Variants in CCDC85A observed in about 807,000 individuals in gnomAD.
CCDC85A encodes coiled-coil domain-containing protein 85A.
CCDC85A carries 38 observed loss-of-function variants against 50.2 expected under a neutral mutation model. The ratio of observed to expected loss-of-function variants is 0.76; its 90% CI spans 0.58 to 0.99. The LOEUF is 0.99. CCDC85A is among the 50% of genes least tolerant of loss of function. CCDC85A has a pLI of 0.00. For missense variants in CCDC85A, 820 were observed against 742.0 expected, an observed-to-expected ratio of 1.11 and a Z score of -1.22; for synonymous variants, 366 against 301.4, an observed-to-expected ratio of 1.21 and a Z score of -2.22.
intron 5 of CCDC85A, 27 bp from the exon 6 acceptor site, chr2:56,384,239 T>A: frequency 1.3e-6 from 2 of 1,588,322 alleles, no homozygotes; most frequent in African/African-American, 1.3e-5. Flanking sequence ...AAAAGTAAGA[T>A]ACTCACTCCT....
chr2:56,243,852 A>G (rs1669381087), intron 2 of CCDC85A, among the ~76,000 whole-genome samples: 1 of 152,160 alleles, frequency 6.6e-6, no homozygotes, highest in Admixed American at 6.5e-5. Context: ...GCATTAGGGG[A>G]CACCCCAAGC....
intron 2 of CCDC85A, among the ~76,000 whole-genome samples, chr2:56,260,547 A>C (rs1670176398): frequency 6.6e-6 from 1 of 152,172 alleles, no homozygotes; most frequent in African/African-American, 2.4e-5. Flanking sequence ...TTTTGCCTGC[A>C]GGAGTAGCAA....
At chr2:56,339,233 A>T (rs868582744) in intron 2 of CCDC85A, among the ~76,000 whole-genome samples, 1 of 152,214 alleles carries the variant, frequency 6.6e-6, no homozygotes, top group Non-Finnish European at 1.5e-5. Flanking sequence ...CCTTCACTGT[A>T]AAGCCATTTT....
chr2:56,372,492 A>T lies in CCDC85A; in HGVS notation c.1452+14A>T, dbSNP rs912016195. 1.8e-5 allele frequency: 28 copies of T among 1,575,468 alleles called. No homozygotes were observed. Among genetic ancestry groups the T allele is most frequent in the Non-Finnish European group, 2.2e-5 (26 of 1,158,144 alleles). ...CCTACTCTCCCGGTGAGTGAAGATG[A>T]GTCAGCTGGATGCATTTGCTTGTGC... On this transcript the variant is annotated intron_variant, in intron 4 of 5. Coordinates refer to ENST00000407595, the MANE Select transcript of CCDC85A (RefSeq NM_001080433.2).
intron 2 of CCDC85A, among the ~76,000 whole-genome samples, chr2:56,305,838 A>T (rs894678175): frequency 6.6e-6 from 1 of 152,210 alleles, no homozygotes. Context: ...TTGTGTAATC[A>T]GCATTGCTGA....
chr2:56,256,746 G>A (rs966919917), intron 2 of CCDC85A, among the ~76,000 whole-genome samples: 1 of 152,196 alleles, frequency 6.6e-6, no homozygotes, highest in African/African-American at 2.4e-5. Flanking sequence ...TGAGTGGCAT[G>A]AATGACTGCC....
intron 2 of CCDC85A, among the ~76,000 whole-genome samples, chr2:56,309,402 C>A (rs1409325840): frequency 6.6e-6 from 1 of 152,066 alleles, no homozygotes; most frequent in Non-Finnish European, 1.5e-5. Flanking sequence ...GCTTCACAGA[C>A]CCTAGTTGGC....
At chr2:56,296,266 C>T (rs2104167718) in intron 2 of CCDC85A, among the ~76,000 whole-genome samples, 1 of 152,202 alleles carries the variant, frequency 6.6e-6, no homozygotes, top group East Asian at 1.9e-4. Context: ...AGGTGTATCC[C>T]AAAGCGTCAC....
intron 1 of CCDC85A, among the ~76,000 whole-genome samples, chr2:56,189,554 G>T (rs1172799325): frequency 6.6e-6 from 1 of 152,192 alleles, no homozygotes; most frequent in East Asian, 1.9e-4. Flanking sequence ...GCCTCCCAAA[G>T]TGTTGGGATT....
intron 2 of CCDC85A, among the ~76,000 whole-genome samples, chr2:56,324,113 A>G (rs1253870817): frequency 1.3e-5 from 2 of 152,144 alleles, no homozygotes; most frequent in East Asian, 1.9e-4. Flanking sequence ...ATTAAAAACA[A>G]TTCATCTTGT....
intron 2 of CCDC85A, among the ~76,000 whole-genome samples, chr2:56,312,065 G>A (rs1254249195): frequency 6.6e-6 from 1 of 152,042 alleles, no homozygotes; most frequent in Admixed American, 6.6e-5. Context: ...TGTGATATTG[G>A]GCATCTGCTT....
intron 2 of CCDC85A, among the ~76,000 whole-genome samples, chr2:56,338,025 C>T (rs935765969): frequency 1.2e-4 from 18 of 152,190 alleles, no homozygotes; most frequent in African/African-American, 3.9e-4. Context: ...CCTCGTGATC[C>T]GCCTGCCTCA....
intron 3 of CCDC85A, among the ~76,000 whole-genome samples, chr2:56,360,976 A>G (rs1362285859): frequency 1.3e-5 from 2 of 152,316 alleles, no homozygotes; most frequent in Non-Finnish European, 2.9e-5. Context: ...AGTAGAGGCC[A>G]GGCGTGGTGG....
At chr2:56,217,546 G>A (rs921872351) in intron 2 of CCDC85A, among the ~76,000 whole-genome samples, 1 of 151,828 alleles carries the variant, frequency 6.6e-6, no homozygotes, top group Non-Finnish European at 1.5e-5. Flanking sequence ...TGAATGTTGT[G>A]TTAGGAAGAC....
intron 5 of CCDC85A, among the ~76,000 whole-genome samples, chr2:56,380,377 G>A (rs1473110410): frequency 2.0e-5 from 3 of 151,942 alleles, no homozygotes; most frequent in Non-Finnish European, 4.4e-5. Flanking sequence ...AATATAGTAA[G>A]GTAAGAAAGA....
intron 2 of CCDC85A, among the ~76,000 whole-genome samples, chr2:56,300,029 G>C (rs1458516591): frequency 6.6e-6 from 1 of 152,126 alleles, no homozygotes; most frequent in African/African-American, 2.4e-5. Context: ...TGACAAAACG[G>C]TGTATGCTAG....
chr2:56,200,788 G>T (rs776338560), intron 2 of CCDC85A, among the ~76,000 whole-genome samples: 14 of 151,954 alleles, frequency 9.2e-5, no homozygotes, highest in Non-Finnish European at 1.6e-4. Context: ...TTTTTACATA[G>T]TAAAATTTAT....
chr2:56,219,940 G>A (rs1379070980), intron 2 of CCDC85A, among the ~76,000 whole-genome samples: 1 of 151,968 alleles, frequency 6.6e-6, no homozygotes, highest in Non-Finnish European at 1.5e-5. Context: ...TGTGGTAAAT[G>A]TAATAGAGAT....
At chr2:56,382,889 G>C (rs1676656805) in intron 5 of CCDC85A, among the ~76,000 whole-genome samples, 1 of 151,960 alleles carries the variant, frequency 6.6e-6, no homozygotes, top group African/African-American at 2.4e-5. Flanking sequence ...CTGGATAGAT[G>C]TAATTGTATT....
Sources: allele counts gnomAD v4.1 joint callset (sites outside exome capture counted in the v4.1 genomes callset), GRCh38; gene constraint gnomAD v4.1.1; transcripts MANE v1.5; gene names NCBI Gene and HGNC (gene_info 2026-07-23, HGNC 2026-07-21).